The following SH3GLB2 variants were observed in gnomAD, a reference collection of about 807,000 sequenced individuals.
SH3GLB2 encodes the protein SH3 domain containing GRB2 like, endophilin B2, also known as endophilin-B2.
SH3GLB2 carries 24 observed loss-of-function variants against 48.0 expected under a neutral mutation model. That is an observed-to-expected ratio of 0.50 (90% CI 0.36 to 0.70). SH3GLB2 has a LOEUF of 0.70. Among genes scored for constraint, SH3GLB2 ranks in the 30% least tolerant of loss-of-function variants. SH3GLB2 has a pLI of 0.00. For synonymous variants in SH3GLB2, 227 were observed against 207.6 expected (o/e 1.09, Z -0.80); for missense variants, 425 against 516.0 (o/e 0.82, Z 1.71).
rs573419695 is a variant in SH3GLB2 at position 129,025,553 on chromosome 9, G to A, written c.63+2539C>T. Among the ~76,000 whole-genome samples, 364 of 126,428 alleles carry A rather than the reference G, an allele frequency of 2.9e-3. 1 individual carries two copies. Among genetic ancestry groups the A allele is most frequent in the African/African-American group, 9.4e-3 (353 of 37,504 alleles). The allele number at this position is 126,428 out of a possible 152,430, so 82.9% of individuals were successfully genotyped here. ...TGCACTCCAGCCTCGGCGACAGGAT[G>A]AGACTCTGTCTCAAAAAAAAAAAAG... On this transcript the variant is annotated intron_variant, in intron 1 of 10. Coordinates refer to ENST00000372564, the MANE Select transcript of SH3GLB2 (RefSeq NM_020145.4).
At chr9:129,015,858 A>G in intron 3 of SH3GLB2, 1 of 347,616 alleles carries the variant, frequency 2.9e-6, no homozygotes, top group South Asian at 2.2e-5. Flanking sequence ...ACACAGCAAG[A>G]TCCTGTCTTT....
At chr9:129,018,315 C>T (rs12001663) in intron 3 of SH3GLB2, among the ~76,000 whole-genome samples, 69,213 of 151,966 alleles carry the variant, frequency 0.46, 16,304 homozygotes, top group African/African-American at 0.58. Context: ...CAGTGGCTCA[C>T]GCCTGTAATC....
chr9:129,012,852 C>G (rs1843204097), intron 5 of SH3GLB2: 1 of 860,744 alleles, frequency 1.2e-6, no homozygotes. Flanking sequence ...CCTGGCATCC[C>G]CCCCTAAACC....
chr9:129,014,592 C>T lies in SH3GLB2; in HGVS notation c.469-89G>A. On this transcript the variant is annotated intron_variant, in intron 4 of 10. Coordinates refer to ENST00000372564, the MANE Select transcript of SH3GLB2 (RefSeq NM_020145.4). The surrounding 1 kb of genome is among the most constrained non-coding windows in gnomAD (Gnocchi z 4.1). Reference sequence around the variant, plus strand: ...TGGCAAGATTGGTGCCGGGGACGATCAAGTCAAGATAGGGAAACTGAGGCC... The same window carrying T: ...TGGCAAGATTGGTGCCGGGGACGATTAAGTCAAGATAGGGAAACTGAGGCC... 1 of 1,502,666 alleles carries T rather than the reference C, an allele frequency of 6.7e-7. No homozygotes were observed. The highest frequency in any genetic ancestry group is 1.9e-5 in the Admixed American group (1 of 51,922). The allele number at this position is 1,502,666 out of a possible 1,614,324, so 93.1% of individuals were successfully genotyped here. A position where few individuals can be genotyped will look rare whatever the true frequency, so the allele number is the denominator to read the frequency against.
rs1843357334 is a variant in SH3GLB2, at chr9:129,015,269, G to A, written c.335-365C>T. On this transcript the variant is annotated intron_variant, in intron 3 of 10. Coordinates refer to ENST00000372564, the MANE Select transcript of SH3GLB2 (RefSeq NM_020145.4). Reference sequence around the variant, plus strand: ...CCTAGCACTCTGGGAGGCCGAGACGGGAGGATCACTTGAGCTCGGCAGTTC... The same window carrying A: ...CCTAGCACTCTGGGAGGCCGAGACGAGAGGATCACTTGAGCTCGGCAGTTC... Among the ~76,000 whole-genome samples the A allele has an allele frequency of 2.6e-5, 4 of 152,132 alleles. No individual in the cohort carries two copies. The South Asian group carries it at 8.3e-4, about 32-fold the overall frequency.
In SH3GLB2 at chr9:129,010,176, ACT is replaced by A. The variant is rs779493806; in HGVS notation, c.680_681del (p.Glu227ValfsTer2). The stretch of plus-strand genomic sequence containing the variant: ...CGGGTCACTTCTGCTTGCCGGTCAA[ACT>A]CTGTCTGGGCCACGCGGAGCTCCTG... ...AEQELRVAQTEFDRQAEVTRL... is the reference protein window; with the variant it reads ...AEQELRVAQTXFDRQAEVTRL... On this transcript the variant is annotated frameshift_variant, in exon 8 of 11. Transcript: ENST00000372564. LOFTEE classifies it high-confidence loss of function. The A allele has an allele frequency of 1.2e-6, 2 of 1,613,156 alleles. No homozygotes were observed. Among genetic ancestry groups the A allele is most frequent in the Non-Finnish European group, 1.7e-6 (2 of 1,179,746 alleles).
rs17433066 is a variant in SH3GLB2 at position 129,012,563 on chromosome 9, G to A, written c.562-265C>T. On this transcript the variant is annotated intron_variant, in intron 5 of 10. Coordinates refer to ENST00000372564, the MANE Select transcript of SH3GLB2 (RefSeq NM_020145.4). ...GAGCAAATGCGGTGAGGAGATGGCC[G>A]AGGCTGCCTGAGCAAGTCACAGGCT... The A allele has an allele frequency of 1.5e-3, 615 of 419,206 alleles. 1 individual carries two copies. Among genetic ancestry groups the A allele is most frequent in the Non-Finnish European group, 2.2e-3 (533 of 238,300 alleles). 26.0% of individuals were successfully genotyped at this position (419,206 alleles called of 1,614,324 possible). A position where few individuals can be genotyped will look rare whatever the true frequency, so the allele number is the denominator to read the frequency against.
In SH3GLB2 at chr9:129,007,960, G is replaced by C. The variant is rs758227103; in HGVS notation, c.*724C>G. 3 of 152,282 alleles carry C rather than the reference G, an allele frequency of 2.0e-5. No individual in the cohort carries two copies. Among genetic ancestry groups the C allele is most frequent in the Non-Finnish European group, 2.9e-5 (2 of 68,124 alleles). 9.4% of individuals were successfully genotyped at this position (152,282 alleles called of 1,614,324 possible). A position where few individuals can be genotyped will look rare whatever the true frequency, so the allele number is the denominator to read the frequency against. ...GCCACAGGGCCCCTGCTCACTCTGT[G>C]GAAGAGTGGGGCAGAGGGTGAGTCT... is the stretch of plus-strand genomic sequence containing the variant. On this transcript the variant is annotated 3_prime_UTR_variant, in exon 11 of 11. Coordinates refer to ENST00000372564, the MANE Select transcript of SH3GLB2 (RefSeq NM_020145.4).
intron 3 of SH3GLB2, 139 bp downstream of exon 3, chr9:129,020,952 T>C: frequency 9.5e-7 from 1 of 1,054,636 alleles, no homozygotes; most frequent in Non-Finnish European, 1.2e-6. Context: ...TCTTTTTTTC[T>C]GCGTAGAGTT....
In SH3GLB2 at chr9:129,011,929, G is replaced by C; in HGVS notation, c.624+307C>G. 3.0e-6 allele frequency: 1 copy of C among 330,082 alleles called. No individual in the cohort carries two copies. 20.4% of individuals were successfully genotyped at this position (330,082 alleles called of 1,614,324 possible). ...TTCAGAGACAGCAGGAGGTGGAGGGGCCCTGGGGATGGGACAGCTGCCGCC... is the reference window on the plus strand; with the variant it reads ...TTCAGAGACAGCAGGAGGTGGAGGGCCCCTGGGGATGGGACAGCTGCCGCC... On this transcript the variant is annotated intron_variant, in intron 6 of 10. Coordinates refer to ENST00000372564, the MANE Select transcript of SH3GLB2 (RefSeq NM_020145.4). This position sits in a 1 kb window ranked among gnomAD's most constrained non-coding sequence, Gnocchi z 4.5.
intron 3 of SH3GLB2, among the ~76,000 whole-genome samples, chr9:129,019,067 T>C (rs1490436284): frequency 6.6e-6 from 1 of 150,878 alleles, no homozygotes; most frequent in Non-Finnish European, 1.5e-5. Flanking sequence ...TGAAGGACTT[T>C]TGGGGTGTGA....
At chr9:129,008,895 G>T in intron 10 of SH3GLB2, 104 bp from the exon 11 acceptor site, 1 of 1,288,408 alleles carries the variant, frequency 7.8e-7, no homozygotes, top group Non-Finnish European at 1.1e-6. Flanking sequence ...CCCGTGGCAT[G>T]TGCTACACCT....
chr9:129,021,311 G>A (rs1843780591), intron 2 of SH3GLB2, 92 bp from the exon 3 acceptor site: 2 of 1,433,620 alleles, frequency 1.4e-6, no homozygotes, highest in South Asian at 1.5e-5. Context: ...CTGCCCACAG[G>A]TGCACCTGGC....
At chr9:129,019,581 G>A (rs1182389351) in intron 3 of SH3GLB2, among the ~76,000 whole-genome samples, 3 of 150,184 alleles carry the variant, frequency 2.0e-5, no homozygotes, top group African/African-American at 7.4e-5. Flanking sequence ...TGGTGGGCGT[G>A]TGCAATCCTA....
Position 129,022,295 on chromosome 9 carries a change from C to A in SH3GLB2, c.192G>T (p.Leu64=). 1 of 1,613,876 alleles carries A rather than the reference C, an allele frequency of 6.2e-7. No homozygotes were observed. Residue 64 remains leucine (L), a synonymous_variant, in exon 2 of 11, where the codon CTG becomes CTT. Coordinates refer to ENST00000372564, the MANE Select transcript of SH3GLB2 (RefSeq NM_020145.4). ...EKILRQTEVL[L]QPNPSARVEE... ...ACACGCACTCACTGGGGTTGGGCTG[C>A]AGCAGCACCTCTGTCTGCCTCAAGA...
At chr9:129,010,480 G>T in intron 7 of SH3GLB2, 190 bp downstream of exon 7, 1 of 677,466 alleles carries the variant, frequency 1.5e-6, no homozygotes, top group Non-Finnish European at 2.6e-6. Context: ...GGCCTACTGT[G>T]TGCTACAGGG....
At chr9:129,012,096 G>A (rs1436624504) in intron 6 of SH3GLB2, 140 bp downstream of exon 6, 10 of 473,682 alleles carry the variant, frequency 2.1e-5, no homozygotes, top group Non-Finnish European at 3.1e-5. Flanking sequence ...CCTCCCCAGT[G>A]TCTCAGGACT....
chr9:129,028,174 C>T lies in SH3GLB2; in HGVS notation c.-20G>A. 7.1e-7 allele frequency: 1 copy of T among 1,405,206 alleles called. No individual in the cohort carries two copies. Among genetic ancestry groups the T allele is most frequent in the African/African-American group, 1.6e-5 (1 of 61,830 alleles). The allele number at this position is 1,405,206 out of a possible 1,614,324, so 87.0% of individuals were successfully genotyped here. ...GTCCATGGCGTGCCCGCACGGCCGCCGCGCACGGCCCGAGCGCAGCCGGCA... is the reference window on the plus strand; with the variant it reads ...GTCCATGGCGTGCCCGCACGGCCGCTGCGCACGGCCCGAGCGCAGCCGGCA... On this transcript the variant is annotated 5_prime_UTR_variant, in exon 1 of 11. Transcript: ENST00000372564.
At chr9:129,027,460 G>A (rs1397241066) in intron 1 of SH3GLB2, among the ~76,000 whole-genome samples, 2 of 152,146 alleles carry the variant, frequency 1.3e-5, no homozygotes, top group Non-Finnish European at 2.9e-5. Flanking sequence ...GCCCCTAAAC[G>A]GATAGGACTT....
Sources: gnomAD v4.1 joint callset for allele counts (sites outside exome capture counted in the v4.1 genomes callset) on GRCh38, gnomAD v4.1.1 for gene constraint, Gnocchi (gnomAD v3.1) non-coding constraint, MANE v1.5 for transcripts, NCBI Gene and HGNC (gene_info 2026-07-23, HGNC 2026-07-21) for gene names.